FRMD4A: variants seen among roughly 807,000 people sequenced by gnomAD.
FRMD4A encodes FERM domain-containing protein 4A.
Under a neutral mutation model 129.1 loss-of-function variants are expected in FRMD4A, and 29 were observed. That is an observed-to-expected ratio of 0.22 (90% CI 0.17 to 0.31). The LOEUF (loss-of-function observed/expected upper bound fraction) is 0.31, where lower values mean the gene tolerates loss of function less well. Ranked by LOEUF, FRMD4A falls within the 10% of genes least tolerant of loss-of-function variation. The pLI is 1.00. For missense variants in FRMD4A, 1,272 were observed against 1,375.8 expected, an observed-to-expected ratio of 0.92 and a Z score of 1.19; for synonymous variants, 634 against 571.6, an observed-to-expected ratio of 1.11 and a Z score of -1.56.
intron 2 of FRMD4A, among the ~76,000 whole-genome samples, chr10:13,927,208 G>A (rs1249938003): frequency 6.6e-6 from 1 of 151,688 alleles, no homozygotes; most frequent in African/African-American, 2.4e-5. Flanking sequence ...AGCTGAGATC[G>A]TGCCACTGCA....
intron 6 of FRMD4A, among the ~76,000 whole-genome samples, chr10:13,771,999 C>T (rs1258753237): frequency 1.3e-5 from 2 of 151,278 alleles, no homozygotes; most frequent in African/African-American, 2.4e-5. Flanking sequence ...CCATAGTAGT[C>T]CCAGCTACTT....
intron 2 of FRMD4A, among the ~76,000 whole-genome samples, chr10:13,993,977 A>G (rs533866189): frequency 4.0e-5 from 6 of 150,896 alleles, no homozygotes; most frequent in Admixed American, 2.0e-4. Flanking sequence ...AGCCTGGGGC[A>G]GGGGAGAATA....
At chr10:14,045,884 A>T (rs2131679941) in intron 2 of FRMD4A, among the ~76,000 whole-genome samples, 1 of 146,948 alleles carries the variant, frequency 6.8e-6, no homozygotes, top group South Asian at 2.1e-4. Context: ...TATATGGTAT[A>T]ATTATGATAG....
Position 13,804,714 on chromosome 10 carries a change from C to CTTTTTTT in FRMD4A, c.206+6093_206+6099dup, listed in dbSNP as rs35111872. 9.4e-5 allele frequency among the ~76,000 whole-genome samples: 12 copies of CTTTTTTT among 127,740 alleles called. 1 individual carries two copies. Among genetic ancestry groups the CTTTTTTT allele is most frequent in the Non-Finnish European group, 6.5e-5 (4 of 61,522 alleles). The allele number at this position is 127,740 out of a possible 152,430, so 83.8% of individuals were successfully genotyped here. On this transcript the variant is annotated intron_variant, in intron 4 of 24. Transcript: ENST00000357447. ...TGGCTGCCACCACACCCAGCTAATT[C>CTTTTTTT]TTTTTTTTTTTTTTTTTGTATTTTT...
chr10:14,009,320 TTTC>T (rs1161360253), intron 2 of FRMD4A, among the ~76,000 whole-genome samples: 6 of 152,194 alleles, frequency 3.9e-5, no homozygotes, highest in Admixed American at 6.5e-5. Flanking sequence ...GGGTTTTTTT[TTTC>T]TTTTTCTTTT....
chr10:13,884,172 ACACT>A (rs1242398373), intron 2 of FRMD4A, among the ~76,000 whole-genome samples: 436 of 21,482 alleles, frequency 0.02, 3 homozygotes, highest in South Asian at 0.036. Flanking sequence ...ACACACTCAC[ACACT>A]CACACACACA....
intron 15 of FRMD4A, among the ~76,000 whole-genome samples, chr10:13,679,474 T>TACACACAC (rs59818032): frequency 0.018 from 552 of 31,482 alleles, 41 homozygotes; most frequent in African/African-American, 0.066. Context: ...TATATATATA[T>TACACACAC]ACACACACAC....
chr10:13,909,643 T>C (rs117123023), intron 2 of FRMD4A, among the ~76,000 whole-genome samples: 49 of 152,394 alleles, frequency 3.2e-4, no homozygotes, highest in Non-Finnish European at 5.9e-4. Context: ...ATGGTGTCTC[T>C]TGTGTAATAA....
chr10:13,732,386 G>T (rs1376534129), intron 12 of FRMD4A, among the ~76,000 whole-genome samples: 1 of 152,196 alleles, frequency 6.6e-6, no homozygotes, highest in African/African-American at 2.4e-5. Flanking sequence ...CAAGGCGGCT[G>T]CTGAGCCCCT....
intron 2 of FRMD4A, among the ~76,000 whole-genome samples, chr10:14,251,886 T>G (rs1182101529): frequency 1.3e-5 from 2 of 148,516 alleles, no homozygotes; most frequent in African/African-American, 5.2e-5. Context: ...TGCACACATG[T>G]GCACACACAC....
intron 2 of FRMD4A, among the ~76,000 whole-genome samples, chr10:13,974,159 C>T (rs17314229): frequency 0.046 from 6,983 of 151,470 alleles, 216 homozygotes; most frequent in Non-Finnish European, 0.07. Flanking sequence ...TATTCTACGA[C>T]GAAGTAAAGT....
chr10:14,045,809 A>C (rs1265797179), intron 2 of FRMD4A, among the ~76,000 whole-genome samples: 2 of 145,798 alleles, frequency 1.4e-5, no homozygotes, highest in African/African-American at 5.0e-5. Flanking sequence ...ATTATATAGA[A>C]TAGATATGTA....
chr10:14,071,173 C>G (rs761800930), intron 2 of FRMD4A, among the ~76,000 whole-genome samples: 10 of 152,220 alleles, frequency 6.6e-5, no homozygotes, highest in Admixed American at 6.5e-4. Context: ...TTTTAGATCT[C>G]AGTTTCTCAG....
intron 2 of FRMD4A, among the ~76,000 whole-genome samples, chr10:14,294,189 ATTC>A (rs1458838713): frequency 2.0e-5 from 3 of 152,102 alleles, no homozygotes; most frequent in African/African-American, 4.8e-5. Flanking sequence ...TGTTTATTTT[ATTC>A]TTCTTCTTTA....
At chr10:14,321,042 T>G (rs920150618) in intron 2 of FRMD4A, among the ~76,000 whole-genome samples, 1 of 152,250 alleles carries the variant, frequency 6.6e-6, no homozygotes, top group Non-Finnish European at 1.5e-5. Flanking sequence ...GTTCTTCTAT[T>G]TATTTTCAAT....
chr10:13,915,805 G>A (rs1202205378), intron 2 of FRMD4A, among the ~76,000 whole-genome samples: 1 of 152,146 alleles, frequency 6.6e-6, no homozygotes, highest in Non-Finnish European at 1.5e-5. Flanking sequence ...TTCCTGCAGA[G>A]GCTGGGCACC....
At chr10:14,152,726 C>A (rs1335477829) in intron 2 of FRMD4A, among the ~76,000 whole-genome samples, 1 of 152,050 alleles carries the variant, frequency 6.6e-6, no homozygotes, top group Non-Finnish European at 1.5e-5. Flanking sequence ...TTTAGTCCCA[C>A]CTACTCAGGA....
intron 2 of FRMD4A, among the ~76,000 whole-genome samples, chr10:13,972,864 T>C (rs1407798261): frequency 6.6e-6 from 1 of 152,234 alleles, no homozygotes; most frequent in African/African-American, 2.4e-5. Context: ...TGCACAGTCC[T>C]GAAAAATCAT....
chr10:13,962,995 A>C (rs1426211612), intron 2 of FRMD4A, among the ~76,000 whole-genome samples: 1 of 152,250 alleles, frequency 6.6e-6, no homozygotes, highest in African/African-American at 2.4e-5. Context: ...TACTGTCCAC[A>C]TCAAGGAAGA....
Sources: allele counts gnomAD v4.1 joint callset (sites outside exome capture counted in the v4.1 genomes callset), GRCh38; gene constraint gnomAD v4.1.1; transcripts MANE v1.5; gene names NCBI Gene and HGNC (gene_info 2026-07-23, HGNC 2026-07-21).